PREX1: variants seen among roughly 807,000 people sequenced by gnomAD.
PREX1 encodes the protein phosphatidylinositol 3,4,5-trisphosphate-dependent Rac exchanger 1 protein.
A neutral mutation model predicts 198.3 loss-of-function variants in PREX1; 41 were observed. That is an observed-to-expected ratio of 0.21 (90% confidence interval 0.16 to 0.27). The LOEUF (loss-of-function observed/expected upper bound fraction) is 0.27. PREX1 is among the 10% of genes least tolerant of loss of function. The pLI, the probability that PREX1 is intolerant of heterozygous loss-of-function variation, is 1.00. For synonymous variants in PREX1, 843 were observed against 887.2 expected (o/e 0.95, Z 0.89); for missense variants, 1,620 against 2,200.7 (o/e 0.74, Z 5.28).
At chr20:48,634,576 C>T (rs909735296) in intron 33 of PREX1, 100 bp downstream of exon 33, 35 of 1,230,442 alleles carry the variant, frequency 2.8e-5, no homozygotes, top group Non-Finnish European at 3.8e-5. Flanking sequence ...CCTTGGGCAG[C>T]TGGCCCAGAG....
At chr20:48,828,098 C>G (rs548986548), upstream of PREX1, among the ~76,000 whole-genome samples, 204 of 148,560 alleles carry the variant, frequency 1.4e-3, no homozygotes, top group Admixed American at 2.3e-3. Context: ...GCTGGCCCCC[C>G]GCCCCCGCGC....
At chr20:48,628,096 C>G in intron 37 of PREX1, 133 bp from the exon 38 acceptor site, 1 of 655,060 alleles carries the variant, frequency 1.5e-6, no homozygotes, top group Non-Finnish European at 2.6e-6. Flanking sequence ...AGACCCAATC[C>G]TGACCATCAC....
chr20:48,704,636 G>T (rs2089893729), intron 6 of PREX1, among the ~76,000 whole-genome samples: 1 of 151,802 alleles, frequency 6.6e-6, no homozygotes, highest in African/African-American at 2.4e-5. Flanking sequence ...TCAGCTCACT[G>T]CAACCACCTC....
chr20:48,864,158 G>C, the PREX1 span, among the ~76,000 whole-genome samples: 1 of 152,178 alleles, frequency 6.6e-6, no homozygotes, highest in Non-Finnish European at 1.5e-5. Context: ...AGGACGCAGA[G>C]AATGAAATTT....
chr20:48,877,060 A>G, the PREX1 span, among the ~76,000 whole-genome samples: 1 of 152,214 alleles, frequency 6.6e-6, no homozygotes, highest in African/African-American at 2.4e-5. Context: ...ACCTGAGGTC[A>G]GGAGTTCAAG....
chr20:48,844,788 T>C, the PREX1 span, among the ~76,000 whole-genome samples: 1 of 152,196 alleles, frequency 6.6e-6, no homozygotes, highest in Non-Finnish European at 1.5e-5. Flanking sequence ...TCAGGACACA[T>C]TGCATAAAAC....
chr20:48,731,406 C>A (rs1352285890), intron 4 of PREX1, among the ~76,000 whole-genome samples: 1 of 152,240 alleles, frequency 6.6e-6, no homozygotes, highest in Non-Finnish European at 1.5e-5. Flanking sequence ...GTTCCCCCGA[C>A]TAGAATGGCC....
chr20:48,704,936 A>G (rs1255850841), intron 6 of PREX1, among the ~76,000 whole-genome samples: 2 of 152,206 alleles, frequency 1.3e-5, no homozygotes, highest in Non-Finnish European at 2.9e-5. Flanking sequence ...CTGCATCTGG[A>G]GTGTGCCTCT....
At chr20:48,650,390 G>A (rs1237368902) in intron 23 of PREX1, among the ~76,000 whole-genome samples, 184 bp from the exon 24 acceptor site, 2 of 152,240 alleles carry the variant, frequency 1.3e-5, no homozygotes, top group Admixed American at 6.5e-5. Context: ...TGCAGGGAAG[G>A]CCTGGAGGAA....
chr20:48,731,631 G>C (rs1167749940), intron 4 of PREX1, among the ~76,000 whole-genome samples: 1 of 152,234 alleles, frequency 6.6e-6, no homozygotes, highest in Non-Finnish European at 1.5e-5. Flanking sequence ...GCACAACATG[G>C]ATGGAAAGCC....
At chr20:48,844,805 G>A in the PREX1 span, among the ~76,000 whole-genome samples, 1 of 152,048 alleles carries the variant, frequency 6.6e-6, no homozygotes, top group Admixed American at 6.5e-5. Flanking sequence ...AAACACATTG[G>A]GTTCAGTCTT....
intron 3 of PREX1, among the ~76,000 whole-genome samples, chr20:48,741,373 GT>G: frequency 6.6e-6 from 1 of 151,736 alleles, no homozygotes; most frequent in Non-Finnish European, 1.5e-5. Flanking sequence ...TGTTTTGTTT[GT>G]TTTCAGACAA....
chr20:48,775,556 G>A (rs2090257111), intron 1 of PREX1, among the ~76,000 whole-genome samples: 1 of 152,136 alleles, frequency 6.6e-6, no homozygotes, highest in South Asian at 2.1e-4. Context: ...AGGGGACTCA[G>A]GCAGGGGGTG....
intron 1 of PREX1, among the ~76,000 whole-genome samples, chr20:48,749,663 G>A (rs2090125617): frequency 6.6e-6 from 1 of 152,182 alleles, no homozygotes. Context: ...GGGGCGCAAT[G>A]ACAGTCCACA....
At chr20:48,708,545 T>A in intron 5 of PREX1, 124 bp from the exon 6 acceptor site, 1 of 1,057,900 alleles carries the variant, frequency 9.5e-7, no homozygotes, top group Non-Finnish European at 1.4e-6. Context: ...TACATTCTAG[T>A]AAAGGAGATG....
intron 15 of PREX1, among the ~76,000 whole-genome samples, chr20:48,664,157 G>A (rs920335360): frequency 7.9e-5 from 12 of 152,172 alleles, no homozygotes; most frequent in South Asian, 2.1e-4. Context: ...GGCAGATCAC[G>A]AGGTCAGGAG....
At chr20:48,758,820 G>A (rs1258841466) in intron 1 of PREX1, among the ~76,000 whole-genome samples, 4 of 152,112 alleles carry the variant, frequency 2.6e-5, no homozygotes, top group African/African-American at 4.8e-5. Context: ...TATCGAAAAC[G>A]CCTATCCCTG....
At chr20:48,809,271 G>A (rs567606433) in intron 1 of PREX1, among the ~76,000 whole-genome samples, 17 of 152,354 alleles carry the variant, frequency 1.1e-4, no homozygotes, top group East Asian at 9.7e-4. Context: ...ATGGGCCAAC[G>A]GGGCTCCCCT....
rs1336562449 is a variant in PREX1 at position 48,651,589 on chromosome 20, A to G, written c.2468-6T>C. 1.2e-6 allele frequency: 2 copies of G among 1,611,696 alleles called. No homozygotes were observed. Among genetic ancestry groups the G allele is most frequent in the East Asian group, 2.2e-5 (1 of 44,870 alleles). Reference sequence around the variant, plus strand: ...CAGGGACAGCAGTGGGAAGGCTGGAAGCCAAAAGAGGTGACATCTGAGCAG... The same window carrying G: ...CAGGGACAGCAGTGGGAAGGCTGGAGGCCAAAAGAGGTGACATCTGAGCAG... On this transcript the variant is annotated splice_polypyrimidine_tract_variant and splice_region_variant and intron_variant, in intron 21 of 39. Transcript: ENST00000371941.
Sources: gnomAD v4.1 joint callset for allele counts (sites outside exome capture counted in the v4.1 genomes callset) on GRCh38, gnomAD v4.1.1 for gene constraint, MANE v1.5 for transcripts, NCBI Gene and HGNC (gene_info 2026-07-23, HGNC 2026-07-21) for gene names.